CHD6: variants seen among roughly 807,000 people sequenced by gnomAD.
CHD6 encodes ATP-dependent chromatin remodeler CHD6.
Under a neutral mutation model 276.9 loss-of-function variants are expected in CHD6, and 50 were observed. The observed-to-expected ratio is 0.18, with a 90% confidence interval of 0.14 to 0.23. The LOEUF (loss-of-function observed/expected upper bound fraction) is 0.23. CHD6 is among the 10% of genes least tolerant of loss of function. The pLI is 1.00. For synonymous variants in CHD6, 1,173 were observed against 1,229.3 expected (o/e 0.95, Z 0.96); for missense variants, 2,564 against 3,365.8 (o/e 0.76, Z 5.89).
chr20:41,558,168 C>G (rs1329371445), intron 1 of CHD6, among the ~76,000 whole-genome samples: 1 of 152,168 alleles, frequency 6.6e-6, no homozygotes, highest in Non-Finnish European at 1.5e-5. Flanking sequence ...CTACCCTCCA[C>G]GCCCACAAAC....
At chr20:41,407,690 A>G (rs2145369803) in intron 36 of CHD6, among the ~76,000 whole-genome samples, 1 of 152,202 alleles carries the variant, frequency 6.6e-6, no homozygotes, top group East Asian at 1.9e-4. Flanking sequence ...GTAAGAACAC[A>G]CGTGTGTGGT....
rs2043333720 is a variant in CHD6, at chr20:41,483,188, G to T, written c.2468+121C>A. ...GAATTTCAGTCTATCTTTAAAAGGA[G>T]ATTCCTTTCCTCCGTTTTTGAATGT... On this transcript the variant is annotated intron_variant, in intron 16 of 36. Transcript: ENST00000373233. 4.8e-6 allele frequency: 4 copies of T among 835,632 alleles called. No homozygotes were observed. In the African/African-American group the frequency reaches 5.2e-5, roughly 11 times the overall value. 51.8% of individuals were successfully genotyped at this position (835,632 alleles called of 1,614,324 possible). A position where few individuals can be genotyped will look rare whatever the true frequency, so the allele number is the denominator to read the frequency against.
intron 18 of CHD6, 25 bp downstream of exon 18, chr20:41,457,239 T>G: frequency 6.2e-7 from 1 of 1,604,816 alleles, no homozygotes; most frequent in Non-Finnish European, 8.5e-7. Flanking sequence ...TCCTTAAGAC[T>G]CCAGAGCAGG....
At chr20:41,567,838 C>A (rs1601150720) in intron 1 of CHD6, among the ~76,000 whole-genome samples, 1 of 152,142 alleles carries the variant, frequency 6.6e-6, no homozygotes, top group Non-Finnish European at 1.5e-5. Flanking sequence ...GGAAGATTGA[C>A]TGGCACTCCC....
rs1601202798 is a variant in CHD6 at position 41,617,993 on chromosome 20, C to T, written c.-24+347G>A. Among the ~76,000 whole-genome samples, 11 of 146,704 alleles carry T rather than the reference C, an allele frequency of 7.5e-5. No individual in the cohort carries two copies. In the South Asian group the frequency reaches 2.1e-3, roughly 28 times the overall value. On this transcript the variant is annotated intron_variant, in intron 1 of 36. Transcript: ENST00000373233. ...CCGCCCCCGCCCGCCAGGCCCGCGG[C>T]CGGGGTCTGCCCGGACCCCCGCCCC...
At position 41,416,689 on chromosome 20, in the gene CHD6, C is replaced by A. The variant is rs776886283; in HGVS notation, c.6385G>T (p.Val2129Leu). ...YEPSGTLPTPVLTSSAGSRTS... is the reference protein window; with the variant it reads ...YEPSGTLPTPLLTSSAGSRTS... ...CGAGAACCAGCACTGCTGGTTAATA[C>A]CGGGGTGGGCAGTGTGCCTGAGGGC... is the stretch of plus-strand genomic sequence containing the variant. The change falls in exon 33 of 37, where the codon GTA (valine) becomes TTA (leucine). Residue 2129 changes from valine to leucine, a missense_variant. Val to Leu is a conservative substitution (Grantham distance 32, BLOSUM62 1). This residue lies in a region of CHD6 where 1,024 missense variants were observed against 1,047.9 expected (regional missense o/e 0.98). Transcript: ENST00000373233. The A allele has an allele frequency of 6.2e-7, 1 of 1,614,004 alleles. No homozygotes were observed. Among genetic ancestry groups the A allele is most frequent in the Non-Finnish European group, 8.5e-7 (1 of 1,180,004 alleles).
intron 29 of CHD6, among the ~76,000 whole-genome samples, chr20:41,424,056 T>C (rs1465656110): frequency 2.7e-5 from 4 of 147,384 alleles, no homozygotes; most frequent in Admixed American, 1.4e-4. Context: ...ATACTATATA[T>C]GCTTAAATAT....
intron 17 of CHD6, among the ~76,000 whole-genome samples, chr20:41,467,436 C>T (rs1192636487): frequency 6.6e-6 from 1 of 152,012 alleles, no homozygotes; most frequent in Non-Finnish European, 1.5e-5. Context: ...CTATAATCCC[C>T]CAGCCCTAAT....
At chr20:41,418,750 T>C (rs2047085696) in intron 31 of CHD6, among the ~76,000 whole-genome samples, 1 of 152,126 alleles carries the variant, frequency 6.6e-6, no homozygotes, top group Non-Finnish European at 1.5e-5. Context: ...GGCCTACCTG[T>C]CCCACACCTC....
At chr20:41,478,060 T>C (rs908643286) in intron 16 of CHD6, among the ~76,000 whole-genome samples, 3 of 152,158 alleles carry the variant, frequency 2.0e-5, no homozygotes, top group East Asian at 1.9e-4. Flanking sequence ...TTTCCACCTA[T>C]AGGCAGGGGA....
In CHD6 at chr20:41,404,664, G is replaced by A. The variant is rs971318809; in HGVS notation, c.8077C>T (p.Pro2693Ser). Residue 2693 changes from proline to serine, a missense_variant, in exon 37 of 37, where the codon CCC becomes TCC. Physicochemically the swap from Pro to Ser is moderately conservative, Grantham distance 74. Transcript: ENST00000373233. ...ENCAEPSAPL[P>S]AEREHGAQAG... ...TGTGCCCCATGTTCTCTCTCTGCGG[G>A]CAAAGGGGCACTGGGTTCGGCACAG... The A allele has an allele frequency of 1.9e-6, 3 of 1,543,212 alleles. No individual in the cohort carries two copies. Among genetic ancestry groups the A allele is most frequent in the Admixed American group, 2.0e-5 (1 of 49,056 alleles).
chr20:41,590,662 A>G (rs1412307592), intron 1 of CHD6, among the ~76,000 whole-genome samples: 1 of 152,232 alleles, frequency 6.6e-6, no homozygotes, highest in Non-Finnish European at 1.5e-5. Context: ...ACAATGAGAT[A>G]CCATCTCACA....
chr20:41,596,488 A>G (rs2146274847), intron 1 of CHD6, among the ~76,000 whole-genome samples: 1 of 152,218 alleles, frequency 6.6e-6, no homozygotes, highest in South Asian at 2.1e-4. Flanking sequence ...CAGGGCTGCT[A>G]TGATAGTCTG....
chr20:41,540,729 T>G (rs1281568821), intron 2 of CHD6, among the ~76,000 whole-genome samples: 1 of 152,176 alleles, frequency 6.6e-6, no homozygotes, highest in Non-Finnish European at 1.5e-5. Flanking sequence ...TTTGGAGTCT[T>G]CTATCTTCTC....
intron 36 of CHD6, among the ~76,000 whole-genome samples, chr20:41,410,104 T>C (rs1422217803): frequency 6.6e-6 from 1 of 151,546 alleles, no homozygotes; most frequent in Non-Finnish European, 1.5e-5. Flanking sequence ...GGAGGAGGAG[T>C]TCCTTGTGAG....
chr20:41,468,910 A>C (rs1232181802), intron 17 of CHD6, among the ~76,000 whole-genome samples: 1 of 152,144 alleles, frequency 6.6e-6, no homozygotes, highest in Non-Finnish European at 1.5e-5. Flanking sequence ...GCTATTCAGG[A>C]GGCTGAGGTG....
At chr20:41,570,605 C>T (rs1312248902) in intron 1 of CHD6, among the ~76,000 whole-genome samples, 2 of 152,194 alleles carry the variant, frequency 1.3e-5, no homozygotes, top group Admixed American at 1.3e-4. Context: ...AGATTCTCAG[C>T]CTTCTGTGAT....
intron 5 of CHD6, among the ~76,000 whole-genome samples, chr20:41,510,509 C>T (rs1243831513): frequency 6.6e-6 from 1 of 152,226 alleles, no homozygotes; most frequent in African/African-American, 2.4e-5. Flanking sequence ...AATCAGGCCT[C>T]TCTCTTCCTT....
chr20:41,538,518 A>C (rs2044879749), intron 2 of CHD6, among the ~76,000 whole-genome samples: 1 of 152,190 alleles, frequency 6.6e-6, no homozygotes, highest in South Asian at 2.1e-4. Context: ...TCAAAGAGAC[A>C]AATTGGGGGT....
Sources: allele counts gnomAD v4.1 joint callset (sites outside exome capture counted in the v4.1 genomes callset), GRCh38; gene constraint gnomAD v4.1.1; regional missense constraint gnomAD v4.1.1; transcripts MANE v1.5; gene names NCBI Gene and HGNC (gene_info 2026-07-23, HGNC 2026-07-21).